RAMP1: variants seen among roughly 807,000 people sequenced by gnomAD.
The protein encoded by RAMP1 is receptor activity modifying protein 1, also known as receptor activity-modifying protein 1.
RAMP1 carries 7 observed loss-of-function variants against 8.2 expected under a neutral mutation model. That is an observed-to-expected ratio of 0.85 (90% CI 0.49 to 1.60). The LOEUF (loss-of-function observed/expected upper bound fraction) is 1.60. RAMP1 is among the 40% of genes most tolerant of loss of function. The pLI is 0.00. For missense variants in RAMP1, 192 were observed against 202.4 expected, an observed-to-expected ratio of 0.95 and a Z score of 0.31; for synonymous variants, 92 against 84.7, an observed-to-expected ratio of 1.09 and a Z score of -0.47.
intron 1 of RAMP1, among the ~76,000 whole-genome samples, chr2:237,869,676 G>A (rs2062225698): frequency 6.6e-6 from 1 of 152,208 alleles, no homozygotes; most frequent in South Asian, 2.1e-4. Flanking sequence ...TGGACACGTG[G>A]GTTGCTTCCA....
intron 2 of RAMP1, among the ~76,000 whole-genome samples, chr2:237,907,337 G>A (rs1352150178): frequency 2.6e-5 from 4 of 152,080 alleles, no homozygotes; most frequent in African/African-American, 9.7e-5. Context: ...TCTTGGATCT[G>A]CGATTTTATG....
chr2:237,887,426 C>T (rs2062445343), intron 2 of RAMP1, among the ~76,000 whole-genome samples: 1 of 149,950 alleles, frequency 6.7e-6, no homozygotes, highest in Non-Finnish European at 1.5e-5. Flanking sequence ...ACAGGGTGCC[C>T]TTTGGGATGC....
intron 2 of RAMP1, among the ~76,000 whole-genome samples, chr2:237,909,896 G>A (rs561872919): frequency 3.8e-4 from 58 of 152,196 alleles, no homozygotes; most frequent in Admixed American, 1.4e-3. Context: ...CTGTGGCTTC[G>A]AGGGTTAAAA....
At chr2:237,875,013 G>T (rs1403656241) in intron 1 of RAMP1, among the ~76,000 whole-genome samples, 2 of 152,168 alleles carry the variant, frequency 1.3e-5, no homozygotes, top group East Asian at 1.9e-4. Flanking sequence ...GATGCCAGGA[G>T]CAGTGAGGGA....
chr2:237,898,519 C>G (rs999290151), intron 2 of RAMP1, among the ~76,000 whole-genome samples: 1 of 152,226 alleles, frequency 6.6e-6, no homozygotes, highest in Admixed American at 6.5e-5. Context: ...ACAGCTGGCT[C>G]AGAGCCTGCT....
At chr2:237,886,092 T>C (rs116197266) in intron 2 of RAMP1, among the ~76,000 whole-genome samples, 3,046 of 152,250 alleles carry the variant, frequency 0.02, 102 homozygotes, top group African/African-American at 0.068. Context: ...GCCACTCCTG[T>C]GGCCTGCGCA....
intron 1 of RAMP1, 151 bp downstream of exon 1, chr2:237,859,878 C>T: frequency 1.3e-6 from 1 of 750,598 alleles, no homozygotes; most frequent in Non-Finnish European, 1.9e-6. Context: ...ACGCGGGCCG[C>T]CCCGGTTCCA....
chr2:237,874,061 G>A (rs775956493), intron 1 of RAMP1, among the ~76,000 whole-genome samples: 17 of 152,210 alleles, frequency 1.1e-4, no homozygotes, highest in Non-Finnish European at 2.1e-4. Flanking sequence ...GAGAGGTGGG[G>A]GATGCAGCAT....
chr2:237,887,966 T>A (rs2062450178), intron 2 of RAMP1, among the ~76,000 whole-genome samples: 1 of 152,166 alleles, frequency 6.6e-6, no homozygotes, highest in East Asian at 1.9e-4. Context: ...TTTGTTTTTT[T>A]AAAAAAGATT....
chr2:237,864,493 A>T (rs2062166072), intron 1 of RAMP1, among the ~76,000 whole-genome samples: 1 of 152,006 alleles, frequency 6.6e-6, no homozygotes, highest in South Asian at 2.1e-4. Context: ...GAAGCGGGGG[A>T]GGTGGATGGA....
intron 1 of RAMP1, among the ~76,000 whole-genome samples, chr2:237,873,090 C>A (rs2062262958): frequency 6.6e-6 from 1 of 152,212 alleles, no homozygotes; most frequent in African/African-American, 2.4e-5. Flanking sequence ...CTGTGAGCTG[C>A]AGCTACTAGC....
chr2:237,892,179 C>T (rs1394717239), intron 2 of RAMP1, among the ~76,000 whole-genome samples: 1 of 152,102 alleles, frequency 6.6e-6, no homozygotes, highest in African/African-American at 2.4e-5. Context: ...AATCTTCAGG[C>T]ACTCCAATTT....
At chr2:237,887,263 C>G (rs1392333745) in intron 2 of RAMP1, among the ~76,000 whole-genome samples, 1 of 152,196 alleles carries the variant, frequency 6.6e-6, no homozygotes, top group African/African-American at 2.4e-5. Context: ...CAGGATCTAT[C>G]CATTCATCAC....
At chr2:237,886,215 C>T (rs1277832253) in intron 2 of RAMP1, among the ~76,000 whole-genome samples, 1 of 152,184 alleles carries the variant, frequency 6.6e-6, no homozygotes, top group Admixed American at 6.5e-5. Flanking sequence ...CAGGCCGCCC[C>T]ACGGGGGTGT....
chr2:237,888,346 C>T (rs919817912), intron 2 of RAMP1, among the ~76,000 whole-genome samples: 4 of 152,164 alleles, frequency 2.6e-5, no homozygotes, highest in Admixed American at 6.5e-5. Flanking sequence ...CCACCACGCC[C>T]GGCCCATTCT....
At chr2:237,880,167 C>T (rs1297659098) in intron 2 of RAMP1, among the ~76,000 whole-genome samples, 4 of 151,740 alleles carry the variant, frequency 2.6e-5, no homozygotes, top group African/African-American at 9.7e-5. Flanking sequence ...ATGTGTCACA[C>T]GGCAAAGGGG....
rs1308959351 is a variant in RAMP1 at position 237,911,869 on chromosome 2, G to T, written c.*86G>T. 34 of 1,487,232 alleles carry T rather than the reference G, an allele frequency of 2.3e-5. No homozygotes were observed. The highest frequency in any genetic ancestry group is 2.8e-5 in the African/African-American group (2 of 71,628). 92.1% of individuals were successfully genotyped at this position (1,487,232 alleles called of 1,614,324 possible). On this transcript the variant is annotated 3_prime_UTR_variant, in exon 3 of 3. Coordinates refer to ENST00000254661, the MANE Select transcript of RAMP1 (RefSeq NM_005855.4). ...GTAGGGGCAGCTTCTGGAGCCTTGG[G>T]ACAGAGCAGGCCCACAATGCCCCCC...
chr2:237,883,826 A>G (rs914258197), intron 2 of RAMP1, among the ~76,000 whole-genome samples: 2 of 149,592 alleles, frequency 1.3e-5, no homozygotes, highest in African/African-American at 2.5e-5. Flanking sequence ...CAAAAAAAAA[A>G]AAAAGAAAAG....
rs199604999 is a variant in RAMP1 at position 237,888,243 on chromosome 2, CAG to C, written c.191+10882_191+10883del. ...TAATTTTTTGTATTTTTAGTAGAGACAGGGTTTCACTATGTTGGCCAGGCTGG... is the reference window on the plus strand; with the variant it reads ...TAATTTTTTGTATTTTTAGTAGAGACGGTTTCACTATGTTGGCCAGGCTGG... On this transcript the variant is annotated intron_variant, in intron 2 of 2. Transcript: ENST00000254661. Among the ~76,000 whole-genome samples the C allele has an allele frequency of 7.6e-3, 1,150 of 152,188 alleles. 17 individuals are homozygous for C. Among genetic ancestry groups the C allele is most frequent in the African/African-American group, 0.026 (1,100 of 41,514 alleles).
Sources: allele counts gnomAD v4.1 joint callset (sites outside exome capture counted in the v4.1 genomes callset), GRCh38; gene constraint gnomAD v4.1.1; transcripts MANE v1.5; gene names NCBI Gene and HGNC (gene_info 2026-07-23, HGNC 2026-07-21).